Variants in RAF1 observed in about 807,000 individuals in gnomAD.
RAF1 encodes RAF proto-oncogene serine/threonine-protein kinase.
In RAF1, 27 loss-of-function variants were observed where a neutral mutation model predicts 81.1. That is an observed-to-expected ratio of 0.33 (90% CI 0.25 to 0.46). The LOEUF (loss-of-function observed/expected upper bound fraction) is 0.46. Among genes scored for constraint, RAF1 ranks in the 20% least tolerant of loss-of-function variants. RAF1 has a pLI of 1.00. For synonymous variants in RAF1, 298 were observed against 294.0 expected, an observed-to-expected ratio of 1.01 and a Z score of -0.14; for missense variants, 598 against 826.0, an observed-to-expected ratio of 0.72 and a Z score of 3.38.
chr3:12,654,808 G>GA (rs913780650), intron 1 of RAF1, among the ~76,000 whole-genome samples: 1 of 142,514 alleles, frequency 7.0e-6, no homozygotes, highest in African/African-American at 2.6e-5. Flanking sequence ...TAAGAGGGAG[G>GA]AAAAAACCCA....
chr3:12,643,395 A>G (rs2060249588), intron 1 of RAF1, among the ~76,000 whole-genome samples: 2 of 142,488 alleles, frequency 1.4e-5, no homozygotes, highest in South Asian at 4.2e-4. Flanking sequence ...CAAAGTAAGA[A>G]AAGAGTAACT....
At position 12,604,156 on chromosome 3, in the gene RAF1, C is replaced by T. The variant is rs2058950919; in HGVS notation, c.814G>A (p.Val272Met). Residue 272 changes from valine (V) to methionine (M), a missense_variant, in exon 7 of 18, where the codon GTG (valine) becomes ATG (methionine). This residue lies in a region of RAF1 where 194 missense variants were observed against 202.7 expected (regional missense o/e 0.96). Transcript: ENST00000442415. ...ATTACCTCAATCATCCTGCTGTCCA[C>T]AGGCAGGGTGGTGCTGACCATGTGG... 6.2e-7 allele frequency: 1 copy of T among 1,614,194 alleles called. No individual in the cohort carries two copies. Among genetic ancestry groups the T allele is most frequent in the Non-Finnish European group, 8.5e-7 (1 of 1,180,026 alleles).
chr3:12,617,041 C>G (rs1299560736), intron 2 of RAF1, among the ~76,000 whole-genome samples: 7 of 152,040 alleles, frequency 4.6e-5, no homozygotes, highest in Non-Finnish European at 7.4e-5. Flanking sequence ...CTCAAGCCAT[C>G]CTCCCACCTC....
chr3:12,622,309 A>G (rs2059579174), intron 1 of RAF1, among the ~76,000 whole-genome samples: 1 of 152,186 alleles, frequency 6.6e-6, no homozygotes, highest in African/African-American at 2.4e-5. Flanking sequence ...TACAGCTCCT[A>G]ATAATCCATG....
chr3:12,603,064 A>T (rs1553613550), intron 8 of RAF1, among the ~76,000 whole-genome samples: 1 of 152,070 alleles, frequency 6.6e-6, no homozygotes, highest in Non-Finnish European at 1.5e-5. Context: ...CTAACTTAAC[A>T]TTTTTTGTTT....
chr3:12,649,276 T>C (rs965166939), intron 1 of RAF1, among the ~76,000 whole-genome samples: 1 of 152,140 alleles, frequency 6.6e-6, no homozygotes, highest in African/African-American at 2.4e-5. Context: ...TTTTCAATAA[T>C]AATTTTCTCA....
At chr3:12,643,135 T>C (rs574716527) in intron 1 of RAF1, among the ~76,000 whole-genome samples, 1 of 152,222 alleles carries the variant, frequency 6.6e-6, no homozygotes, top group East Asian at 1.9e-4. Flanking sequence ...TGCATCTCTG[T>C]CCTCAGGCAA....
chr3:12,634,190 C>T (rs1337173329), intron 1 of RAF1, among the ~76,000 whole-genome samples: 2 of 149,592 alleles, frequency 1.3e-5, no homozygotes, highest in East Asian at 3.9e-4. Context: ...CTCTATCACC[C>T]ATGCTGGAGT....
At chr3:12,586,454 T>C (rs1164073625) in intron 14 of RAF1, among the ~76,000 whole-genome samples, 6 of 152,156 alleles carry the variant, frequency 3.9e-5, no homozygotes, top group Admixed American at 1.3e-4. Flanking sequence ...ACACACAAAG[T>C]AACTTGTGAT....
chr3:12,629,124 A>G (rs1484729058), intron 1 of RAF1, among the ~76,000 whole-genome samples: 1 of 152,190 alleles, frequency 6.6e-6, no homozygotes, highest in African/African-American at 2.4e-5. Flanking sequence ...CATAGAAGTC[A>G]ACCAAAAATG....
intron 1 of RAF1, among the ~76,000 whole-genome samples, chr3:12,661,299 AG>A (rs1436245564): frequency 6.6e-6 from 1 of 152,238 alleles, no homozygotes; most frequent in Non-Finnish European, 1.5e-5. Flanking sequence ...ACAAATAAAT[AG>A]TTTATAAAAT....
At chr3:12,596,841 A>G (rs1005549433) in intron 11 of RAF1, among the ~76,000 whole-genome samples, 2 of 152,224 alleles carry the variant, frequency 1.3e-5, no homozygotes, top group Non-Finnish European at 2.9e-5. Context: ...AGCATGGCAT[A>G]AAAGTCCACT....
chr3:12,630,397 A>G (rs2059827021), intron 1 of RAF1, among the ~76,000 whole-genome samples: 1 of 152,150 alleles, frequency 6.6e-6, no homozygotes, highest in Non-Finnish European at 1.5e-5. Flanking sequence ...AACAAAACAC[A>G]AGGATCCATG....
rs1403767057 is a variant in RAF1 at position 12,583,647 on chromosome 3, A to G, written c.*867T>C. 1 of 233,024 alleles carries G rather than the reference A, an allele frequency of 4.3e-6. No individual in the cohort carries two copies. The highest frequency in any genetic ancestry group is 2.2e-5 in the African/African-American group (1 of 45,348). 14.4% of individuals were successfully genotyped at this position (233,024 alleles called of 1,614,324 possible). ...TTTATTAAAATAACATAATTGAGGG[A>G]CCATCAGATAACTGTATTTTGTCAG... On this transcript the variant is annotated 3_prime_UTR_variant, in exon 18 of 18. Coordinates refer to ENST00000442415, the MANE Select transcript of RAF1 (RefSeq NM_001354689.3).
intron 3 of RAF1, among the ~76,000 whole-genome samples, chr3:12,611,653 T>TC (rs1253637105): frequency 1.3e-5 from 2 of 151,966 alleles, no homozygotes; most frequent in East Asian, 3.9e-4. Context: ...TGAGCCGAGA[T>TC]CGCGCCACTG....
chr3:12,663,792 C>T (rs1002571662), intron 1 of RAF1, 21 bp downstream of exon 1: 1 of 396,814 alleles, frequency 2.5e-6, no homozygotes, highest in Admixed American at 4.4e-5. Flanking sequence ...CCGGCATCCA[C>T]GACCCGGTCC....
chr3:12,592,205 T>G, intron 11 of RAF1: 1 of 326,142 alleles, frequency 3.1e-6, no homozygotes, highest in South Asian at 2.6e-5. Flanking sequence ...GGTCAAAACC[T>G]TGTCCTGTGG....
At chr3:12,623,629 C>A (rs532310390) in intron 1 of RAF1, among the ~76,000 whole-genome samples, 1 of 151,928 alleles carries the variant, frequency 6.6e-6, no homozygotes, top group Admixed American at 6.5e-5. Context: ...AACCCCTCTA[C>A]TAAAAATACA....
chr3:12,605,529 C>T (rs1385323367), intron 6 of RAF1, among the ~76,000 whole-genome samples: 3 of 152,156 alleles, frequency 2.0e-5, no homozygotes, highest in Non-Finnish European at 4.4e-5. Context: ...CCATCTGCCT[C>T]GGCCTCCCAA....
Sources: gnomAD v4.1 joint callset for allele counts (sites outside exome capture counted in the v4.1 genomes callset) on GRCh38, gnomAD v4.1.1 for gene constraint, gnomAD v4.1.1 regional missense constraint, MANE v1.5 for transcripts, NCBI Gene and HGNC (gene_info 2026-07-23, HGNC 2026-07-21) for gene names.